Variants in ABTB3 observed in about 807,000 individuals in gnomAD.
ABTB3 encodes ankyrin repeat- and BTB/POZ domain-containing protein 3.
the ABTB3 span, among the ~76,000 whole-genome samples, chr12:107,459,966 G>A: frequency 1.7e-3 from 263 of 152,320 alleles, 1 homozygote; most frequent in African/African-American, 5.9e-3. Context: ...GGGGTTGGGG[G>A]GCCGTAAGAA....
At chr12:107,478,891 C>T in the ABTB3 span, among the ~76,000 whole-genome samples, 2 of 152,100 alleles carry the variant, frequency 1.3e-5, no homozygotes, top group East Asian at 3.9e-4. Context: ...TCCCAACACA[C>T]ACTGAATCAG....
the ABTB3 span, among the ~76,000 whole-genome samples, chr12:107,624,414 T>C: frequency 6.6e-6 from 1 of 152,094 alleles, no homozygotes; most frequent in Non-Finnish European, 1.5e-5. Flanking sequence ...ACAACCAACA[T>C]AGTGACATGA....
At chr12:107,446,123 C>T in the ABTB3 span, among the ~76,000 whole-genome samples, 1 of 152,048 alleles carries the variant, frequency 6.6e-6, no homozygotes, top group East Asian at 1.9e-4. Flanking sequence ...ATTCTGTCTA[C>T]TACAGTGGGA....
At chr12:107,398,468 AG>A in the ABTB3 span, among the ~76,000 whole-genome samples, 2,769 of 152,356 alleles carry the variant, frequency 0.018, 85 homozygotes, top group African/African-American at 0.06. Context: ...GGAGGCTAGA[AG>A]TAGCAGGCTT....
chr12:107,477,979 G>T, the ABTB3 span, among the ~76,000 whole-genome samples: 1 of 152,212 alleles, frequency 6.6e-6, no homozygotes, highest in Non-Finnish European at 1.5e-5. Context: ...GACCTGAGGG[G>T]AATTTCCTCT....
chr12:107,420,980 A>T, the ABTB3 span, among the ~76,000 whole-genome samples: 1 of 152,048 alleles, frequency 6.6e-6, no homozygotes, highest in Admixed American at 6.5e-5. Flanking sequence ...CCAAATTTTC[A>T]TATCTCTTCT....
the ABTB3 span, chr12:107,657,777 T>G: frequency 6.4e-7 from 1 of 1,568,350 alleles, no homozygotes; most frequent in Non-Finnish European, 8.8e-7. Flanking sequence ...CGCATTGGCT[T>G]TACACAAACA....
the ABTB3 span, among the ~76,000 whole-genome samples, chr12:107,473,479 G>C: frequency 0.012 from 1,749 of 151,966 alleles, 45 homozygotes; most frequent in African/African-American, 0.04. Flanking sequence ...TCAGCCTCCT[G>C]AGTAGCTGTG....
the ABTB3 span, among the ~76,000 whole-genome samples, chr12:107,388,440 C>T: frequency 6.6e-6 from 1 of 151,672 alleles, no homozygotes; most frequent in Non-Finnish European, 1.5e-5. Context: ...CCTTGTCTTT[C>T]TCTTTCTACC....
the ABTB3 span, among the ~76,000 whole-genome samples, chr12:107,441,608 A>G: frequency 6.6e-6 from 1 of 152,164 alleles, no homozygotes; most frequent in East Asian, 1.9e-4. Flanking sequence ...TATGTACCCC[A>G]GAACTTAAAA....
At chr12:107,505,969 A>G in the ABTB3 span, among the ~76,000 whole-genome samples, 1 of 152,050 alleles carries the variant, frequency 6.6e-6, no homozygotes, top group Admixed American at 6.5e-5. Context: ...TGTCTTTGCT[A>G]TTGTGAATAG....
the ABTB3 span, among the ~76,000 whole-genome samples, chr12:107,458,979 C>T: frequency 6.6e-6 from 1 of 152,302 alleles, no homozygotes; most frequent in South Asian, 2.1e-4. Context: ...GGGCCTGCCT[C>T]CTTCACCTAC....
At chr12:107,518,943 G>A in the ABTB3 span, among the ~76,000 whole-genome samples, 26 of 152,294 alleles carry the variant, frequency 1.7e-4, no homozygotes, top group African/African-American at 5.8e-4. Context: ...GTAACAACGT[G>A]TCTCCTTCAC....
At chr12:107,606,817 C>A in the ABTB3 span, among the ~76,000 whole-genome samples, 1 of 152,192 alleles carries the variant, frequency 6.6e-6, no homozygotes, top group Non-Finnish European at 1.5e-5. Context: ...GAGATTTGCA[C>A]ACACACAACC....
At chr12:107,495,879 G>A in the ABTB3 span, among the ~76,000 whole-genome samples, 1 of 152,180 alleles carries the variant, frequency 6.6e-6, no homozygotes, top group Non-Finnish European at 1.5e-5. Flanking sequence ...GGGTTATTGC[G>A]AGGATTACAT....
the ABTB3 span, among the ~76,000 whole-genome samples, chr12:107,636,286 T>C: frequency 6.0e-4 from 92 of 152,250 alleles, no homozygotes; most frequent in African/African-American, 2.1e-3. Flanking sequence ...AGAAGGAATA[T>C]TAGGCTGCTT....
chr12:107,368,843 G>A, the ABTB3 span, among the ~76,000 whole-genome samples: 3 of 152,100 alleles, frequency 2.0e-5, no homozygotes, highest in East Asian at 3.8e-4. Flanking sequence ...TATTACTAAC[G>A]AATTTGAGCA....
the ABTB3 span, among the ~76,000 whole-genome samples, chr12:107,474,950 A>G: frequency 2.0e-5 from 3 of 152,092 alleles, no homozygotes; most frequent in African/African-American, 7.2e-5. Context: ...AGCCCACCCT[A>G]GGTCCCATCA....
the ABTB3 span, among the ~76,000 whole-genome samples, chr12:107,323,189 A>G: frequency 6.6e-6 from 1 of 152,176 alleles, no homozygotes; most frequent in Non-Finnish European, 1.5e-5. Context: ...TATGTTGCCC[A>G]GGCTGGCCTT....
Sources: gnomAD v4.1 joint callset for allele counts (sites outside exome capture counted in the v4.1 genomes callset) on GRCh38, gnomAD v4.1.1 for gene constraint, MANE v1.5 for transcripts, NCBI Gene and HGNC (gene_info 2026-07-23, HGNC 2026-07-21) for gene names.